Variants in SH3D19 observed in about 807,000 individuals in gnomAD.
SH3D19 encodes SH3 domain containing 19, also known as SH3 domain-containing protein 19.
SH3D19 carries 58 observed loss-of-function variants against 112.1 expected under a neutral mutation model. That is an observed-to-expected ratio of 0.52 (90% confidence interval 0.42 to 0.64). SH3D19 has a LOEUF of 0.64. Ranked by LOEUF, SH3D19 falls within the 30% of genes least tolerant of loss-of-function variation. The pLI is 0.00. For synonymous variants in SH3D19, 391 were observed against 448.5 expected (o/e 0.87, Z 1.62); for missense variants, 1,090 against 1,263.4 (o/e 0.86, Z 2.08).
intron 1 of SH3D19, among the ~76,000 whole-genome samples, chr4:151,323,678 CA>C (rs758920906): frequency 1.3e-5 from 2 of 152,146 alleles, no homozygotes; most frequent in Non-Finnish European, 2.9e-5. Context: ...CATGTCTCAG[CA>C]AAATATTATC....
chr4:151,279,926 G>A (rs1403342309), intron 1 of SH3D19: 1 of 1,613,588 alleles, frequency 6.2e-7, no homozygotes, highest in South Asian at 1.1e-5. Context: ...TCAGTGAGAG[G>A]TTGATACTGA....
chr4:151,306,991 G>A (rs958043717), intron 1 of SH3D19, among the ~76,000 whole-genome samples: 1 of 150,990 alleles, frequency 6.6e-6, no homozygotes, highest in African/African-American at 2.4e-5. Context: ...AGCAGCAGCT[G>A]CTGCAATCAC....
rs11368412 is a variant in SH3D19 at position 151,251,198 on chromosome 4, CT to C, written c.113-25113del. ...TTTGTTCTTTCTTTTTCTTTTTTTC[CT>C]TTTTTTTTTTTTTTCCTGAGACGGA... On this transcript the variant is annotated intron_variant, in intron 1 of 19. Coordinates refer to ENST00000604030, the MANE Select transcript of SH3D19 (RefSeq NM_001378122.1). 1.8e-3 allele frequency among the ~76,000 whole-genome samples: 260 copies of C among 142,520 alleles called. 1 individual carries two copies. The highest frequency in any genetic ancestry group is 6.7e-3 in the Admixed American group (96 of 14,274). The allele number at this position is 142,520 out of a possible 152,430, so 93.5% of individuals were successfully genotyped here. A position where few individuals can be genotyped will look rare whatever the true frequency, so the allele number is the denominator to read the frequency against.
intron 1 of SH3D19, among the ~76,000 whole-genome samples, chr4:151,311,775 G>T (rs955662001): frequency 1.3e-5 from 2 of 152,206 alleles, no homozygotes; most frequent in Non-Finnish European, 2.9e-5. Flanking sequence ...GGGAGGTCAA[G>T]GCTTCAGTGA....
At chr4:151,251,019 C>T (rs1287894914) in intron 1 of SH3D19, among the ~76,000 whole-genome samples, 1 of 152,084 alleles carries the variant, frequency 6.6e-6, no homozygotes, top group East Asian at 1.9e-4. Context: ...ATCCCTCCTC[C>T]ATTCACTGCC....
At chr4:151,317,455 A>T (rs1316244726) in intron 1 of SH3D19, among the ~76,000 whole-genome samples, 1 of 152,210 alleles carries the variant, frequency 6.6e-6, no homozygotes, top group African/African-American at 2.4e-5. Flanking sequence ...AGCTGAAATG[A>T]CCTAAGGGAA....
chr4:151,244,971 C>A (rs1044021842), intron 1 of SH3D19, among the ~76,000 whole-genome samples: 1 of 151,996 alleles, frequency 6.6e-6, no homozygotes, highest in South Asian at 2.1e-4. Context: ...GGTGAAATCT[C>A]GTATCTACTA....
At chr4:151,237,805 C>T (rs1344793567) in intron 1 of SH3D19, among the ~76,000 whole-genome samples, 1 of 152,066 alleles carries the variant, frequency 6.6e-6, no homozygotes, top group African/African-American at 2.4e-5. Flanking sequence ...GGTAATTATC[C>T]TTTGTCGAAC....
chr4:151,317,603 C>T (rs563551875), intron 1 of SH3D19, among the ~76,000 whole-genome samples: 3 of 152,346 alleles, frequency 2.0e-5, no homozygotes, highest in African/African-American at 4.8e-5. Context: ...CTGATCAACT[C>T]ACCTCTGATT....
intron 9 of SH3D19, among the ~76,000 whole-genome samples, chr4:151,157,244 C>T (rs1470850797): frequency 6.6e-6 from 1 of 151,028 alleles, no homozygotes; most frequent in Non-Finnish European, 1.5e-5. Flanking sequence ...AGAGTAAGAC[C>T]CTATCTCAAA....
rs1209851220 is a variant in SH3D19, at chr4:151,133,111, C to G, written c.2612G>C (p.Arg871Pro). Residue 871 changes from arginine to proline, a missense_variant, in exon 16 of 20, where the codon CGA (arginine) becomes CCA (proline). Arg to Pro is a moderately radical substitution (Grantham distance 103, BLOSUM62 -2). Coordinates refer to ENST00000604030, the MANE Select transcript of SH3D19 (RefSeq NM_001378122.1). ...CAGGGGGAAAATCCCAGTTCTGCCT[C>G]GAACTTCTCCTCTGGCCCATTCCTC... is the stretch of plus-strand genomic sequence containing the variant. ...VNEEWARGEV[R>P]GRTGIFPLNF... 20 of 1,613,994 alleles carry G rather than the reference C, an allele frequency of 1.2e-5. No homozygotes were observed. Among genetic ancestry groups the G allele is most frequent in the Non-Finnish European group, 1.1e-5 (13 of 1,180,000 alleles).
intron 1 of SH3D19, among the ~76,000 whole-genome samples, chr4:151,275,861 T>TTTTTTTTTTTG (rs201239876): frequency 2.3e-5 from 3 of 132,456 alleles, no homozygotes; most frequent in Non-Finnish European, 3.3e-5. Flanking sequence ...TTTTTTTTTT[T>TTTTTTTTTTTG]AGACGGAGTC....
chr4:151,206,595 A>G (rs1306336998), intron 2 of SH3D19, among the ~76,000 whole-genome samples: 1 of 152,192 alleles, frequency 6.6e-6, no homozygotes. Flanking sequence ...TAAAACCAAC[A>G]TGAGTATGTT....
chr4:151,137,754 G>A lies in SH3D19; in HGVS notation c.2405C>T (p.Pro802Leu). Residue 802 changes from proline (P) to leucine (L), a missense_variant, in exon 14 of 20, where the codon CCT becomes CTT. By Grantham distance (98) the Pro-to-Leu change is moderately conservative. Transcript: ENST00000604030. ...TACAATCACTTTGACATAGTTGGCA[G>A]GAAATATGCCAATCTGGTTTCTACA... ...GNCRNQIGIFPANYVKVIIDI... is the reference protein window; with the variant it reads ...GNCRNQIGIFLANYVKVIIDI... 6.2e-7 allele frequency: 1 copy of A among 1,601,496 alleles called. No individual in the cohort carries two copies. Among genetic ancestry groups the A allele is most frequent in the Non-Finnish European group, 8.5e-7 (1 of 1,175,290 alleles).
chr4:151,123,034 T>C (rs1412663750), intron 19 of SH3D19, among the ~76,000 whole-genome samples: 1 of 152,048 alleles, frequency 6.6e-6, no homozygotes, highest in African/African-American at 2.4e-5. Flanking sequence ...GTATTTTTAG[T>C]AGAGACAGGG....
intron 13 of SH3D19, 27 bp downstream of exon 13, chr4:151,139,748 C>T: frequency 6.2e-7 from 1 of 1,603,186 alleles, no homozygotes; most frequent in Non-Finnish European, 8.5e-7. Flanking sequence ...TCCTGTGGTT[C>T]TCCCACTGCA....
intron 3 of SH3D19, among the ~76,000 whole-genome samples, chr4:151,184,424 T>A (rs1761417346): frequency 6.6e-6 from 1 of 152,234 alleles, no homozygotes; most frequent in Non-Finnish European, 1.5e-5. Flanking sequence ...TATGTTATCA[T>A]GAAAGGATCT....
At chr4:151,285,682 C>A (rs1774679091) in intron 1 of SH3D19, among the ~76,000 whole-genome samples, 1 of 151,822 alleles carries the variant, frequency 6.6e-6, no homozygotes, top group African/African-American at 2.4e-5. Context: ...GCCTGGGCAA[C>A]ATAGTGAGAC....
At chr4:151,245,848 G>C (rs1482532902) in intron 1 of SH3D19, among the ~76,000 whole-genome samples, 1 of 152,094 alleles carries the variant, frequency 6.6e-6, no homozygotes, top group African/African-American at 2.4e-5. Flanking sequence ...GTGACTGCCT[G>C]CCTTGGCCTC....
Sources: allele counts gnomAD v4.1 joint callset (sites outside exome capture counted in the v4.1 genomes callset), GRCh38; gene constraint gnomAD v4.1.1; transcripts MANE v1.5; gene names NCBI Gene and HGNC (gene_info 2026-07-23, HGNC 2026-07-21).